FAM221B: variants seen among roughly 807,000 people sequenced by gnomAD.
The protein encoded by FAM221B is family with sequence similarity 221 member B.
A neutral mutation model predicts 39.8 loss-of-function variants in FAM221B; 35 were observed. That is an observed-to-expected ratio of 0.88 (90% CI 0.67 to 1.17). FAM221B has a LOEUF of 1.17. Ranked by LOEUF, FAM221B falls within the 50% of genes most tolerant of loss-of-function variation. The probability of loss-of-function intolerance (pLI) is 0.00; values close to 1 mark genes in which losing one functional copy is unlikely to be tolerated. For synonymous variants in FAM221B, 158 were observed against 178.1 expected (o/e 0.89, Z 0.90); for missense variants, 479 against 503.1 (o/e 0.95, Z 0.46).
chr9:35,819,181 T>C lies in FAM221B; in HGVS notation c.1051+16A>G, dbSNP rs545090690. 1 of 1,548,932 alleles carries C rather than the reference T, an allele frequency of 6.5e-7. No homozygotes were observed. The highest frequency in any genetic ancestry group is 2.4e-5 in the East Asian group (1 of 40,862). ...ACCTACCCTGCTCCCAATACACCTC[T>C]TGCCCTAGAAGTTACCATGATGCCT... On this transcript the variant is annotated intron_variant, in intron 5 of 6. Coordinates refer to ENST00000423537, the MANE Select transcript of FAM221B (RefSeq NM_001012446.4).
chr9:35,818,837 G>T, intron 6 of FAM221B, 53 bp downstream of exon 6: 1 of 1,547,612 alleles, frequency 6.5e-7, no homozygotes. Context: ...TTCCTGCCTG[G>T]CCTTCTGACT....
intron 4 of FAM221B, 56 bp from the exon 5 acceptor site, chr9:35,819,450 G>A (rs1829092984): frequency 2.0e-6 from 3 of 1,473,224 alleles, no homozygotes; most frequent in Non-Finnish European, 1.8e-6. Flanking sequence ...GCCTTCTCAT[G>A]CCAACCCCAT....
chr9:35,818,957 C>T lies in FAM221B; in HGVS notation c.1104G>A (p.Arg368=), dbSNP rs1427600915. 5 of 1,551,648 alleles carry T rather than the reference C, an allele frequency of 3.2e-6. No homozygotes were observed. Among genetic ancestry groups the T allele is most frequent in the Non-Finnish European group, 4.4e-6 (5 of 1,147,036 alleles). Reference sequence around the variant, plus strand: ...AGAAAGTCTCGTGTTCCTCCCAGCGCCGGTCACAGGCCGCACAGAGGAAAT... The same window carrying T: ...AGAAAGTCTCGTGTTCCTCCCAGCGTCGGTCACAGGCCGCACAGAGGAAAT... ...ESNFLCAACD[R]RWEEHETFFD... Residue 368 remains arginine (R), a synonymous_variant, in exon 6 of 7, where the codon CGG becomes CGA. Coordinates refer to ENST00000423537, the MANE Select transcript of FAM221B (RefSeq NM_001012446.4).
intron 3 of FAM221B, among the ~76,000 whole-genome samples, chr9:35,823,693 G>C (rs1047212854): frequency 4.6e-5 from 7 of 151,344 alleles, no homozygotes; most frequent in Non-Finnish European, 7.4e-5. Flanking sequence ...TTTTTTTTGA[G>C]ACATTCTGTC....
chr9:35,824,949 G>T (rs1213832049), intron 3 of FAM221B, among the ~76,000 whole-genome samples: 1 of 152,156 alleles, frequency 6.6e-6, no homozygotes, highest in Non-Finnish European at 1.5e-5. Flanking sequence ...CCAAAGTGCT[G>T]GGATTACAGG....
chr9:35,819,421 G>A (rs532106640), intron 4 of FAM221B, 27 bp from the exon 5 acceptor site: 2 of 1,544,584 alleles, frequency 1.3e-6, no homozygotes, highest in Admixed American at 2.0e-5. Flanking sequence ...GGATGGTAGG[G>A]TTAATCTGAT....
Position 35,819,942 on chromosome 9 carries a change from A to C in FAM221B, c.801T>G (p.Asp267Glu), listed in dbSNP as rs1829111907. 1 of 1,614,042 alleles carries C rather than the reference A, an allele frequency of 6.2e-7. No individual in the cohort carries two copies. The highest frequency in any genetic ancestry group is 1.7e-5 in the Admixed American group (1 of 60,004). ...AGTGTCCACAAAAGCATCTGGACTC[A>C]TCCCCAATCCGGAAACAGTCCCATA... is the stretch of plus-strand genomic sequence containing the variant. ...HYLWDCFRIG[D>E]ESRCFCGHLL... Residue 267 changes from aspartate to glutamate, a missense_variant, in exon 4 of 7, where the codon GAT becomes GAG. Physicochemically the swap from Asp to Glu is conservative, Grantham distance 45 (BLOSUM62 2). Transcript: ENST00000423537.
chr9:35,828,330 A>G lies in FAM221B; in HGVS notation c.-1+133T>C, dbSNP rs1414116337. On this transcript the variant is annotated intron_variant, in intron 1 of 6. Transcript: ENST00000423537. This position sits in a 1 kb window ranked among gnomAD's most constrained non-coding sequence, Gnocchi z 4.5. The stretch of plus-strand genomic sequence containing the variant: ...AACAACAACAACAACAACAACAACA[A>G]CAACTACTACTACTACTACTACTAC... 1 of 140,204 alleles carries G rather than the reference A, an allele frequency of 7.1e-6. No individual in the cohort carries two copies. The highest frequency in any genetic ancestry group is 7.6e-5 in the Admixed American group (1 of 13,198). The allele number at this position is 140,204 out of a possible 1,614,324, so 8.7% of individuals were successfully genotyped here.
chr9:35,827,757 C>A (rs981301694), intron 1 of FAM221B, among the ~76,000 whole-genome samples: 1 of 152,196 alleles, frequency 6.6e-6, no homozygotes, highest in Non-Finnish European at 1.5e-5. Context: ...TCCGTGCTCC[C>A]TACTTTACCC....
chr9:35,816,533 A>C lies in FAM221B; in HGVS notation c.*1936T>G, dbSNP rs772107681. The stretch of plus-strand genomic sequence containing the variant: ...TATGATACTAACCCATGTGTAATCA[A>C]TTTTTCATATTTTTACAGTCTACGT... On this transcript the variant is annotated 3_prime_UTR_variant, in exon 7 of 7. Coordinates refer to ENST00000423537, the MANE Select transcript of FAM221B (RefSeq NM_001012446.4). 6.6e-6 allele frequency: 1 copy of C among 151,492 alleles called. No homozygotes were observed. Among genetic ancestry groups the C allele is most frequent in the Admixed American group, 6.6e-5 (1 of 15,230 alleles). 9.4% of individuals were successfully genotyped at this position (151,492 alleles called of 1,614,324 possible). A position where few individuals can be genotyped will look rare whatever the true frequency, so the allele number is the denominator to read the frequency against.
At position 35,819,343 on chromosome 9, in the gene FAM221B, A is replaced by G. The variant is rs1207523531; in HGVS notation, c.905T>C (p.Phe302Ser). The G allele has an allele frequency of 3.2e-6, 5 of 1,551,600 alleles. No homozygotes were observed. Among genetic ancestry groups the G allele is most frequent in the Non-Finnish European group, 3.5e-6 (4 of 1,146,992 alleles). The change falls in exon 5 of 7, where the codon TTT becomes TCT. Residue 302 changes from phenylalanine to serine, a missense_variant. By Grantham distance (155) the Phe-to-Ser change is radical (BLOSUM62 -2). Coordinates refer to ENST00000423537, the MANE Select transcript of FAM221B (RefSeq NM_001012446.4). ...VSQCRCFMFC[F>S]IPSRPEEVGE... Reference sequence around the variant, plus strand: ...CACCTCCTCTGGGCGTGATGGGATAAAGCAGAACATGAAGCAGCGGCACTG... The same window carrying G: ...CACCTCCTCTGGGCGTGATGGGATAGAGCAGAACATGAAGCAGCGGCACTG...
intron 4 of FAM221B, 86 bp downstream of exon 4, chr9:35,819,804 C>T (rs1829106083): frequency 1.1e-6 from 1 of 939,204 alleles, no homozygotes; most frequent in Admixed American, 2.4e-5. Flanking sequence ...CGTGCCCAGC[C>T]ACATGCTCTC....
At chr9:35,819,048 G>A (rs1374734963) in intron 5 of FAM221B, 39 bp from the exon 6 acceptor site, 2 of 1,551,088 alleles carry the variant, frequency 1.3e-6, no homozygotes, top group South Asian at 2.4e-5. Flanking sequence ...TTAGGAAATG[G>A]TGGTATCCCC....
chr9:35,817,684 A>G lies in FAM221B; in HGVS notation c.*785T>C, dbSNP rs1442800507. The G allele has an allele frequency of 6.6e-6, 1 of 151,982 alleles. No individual in the cohort carries two copies. Among genetic ancestry groups the G allele is most frequent in the Non-Finnish European group, 1.5e-5 (1 of 68,104 alleles). 9.4% of individuals were successfully genotyped at this position (151,982 alleles called of 1,614,324 possible). The stretch of plus-strand genomic sequence containing the variant: ...TTCTTGTCTCCTGCTCCCTACTCTT[A>G]TCCCTCTTCCCCTGGACCCCAGCCA... On this transcript the variant is annotated 3_prime_UTR_variant, in exon 7 of 7. Transcript: ENST00000423537.
At chr9:35,820,425 A>G (rs1190770703) in intron 3 of FAM221B, among the ~76,000 whole-genome samples, 1 of 152,186 alleles carries the variant, frequency 6.6e-6, no homozygotes, top group Non-Finnish European at 1.5e-5. Flanking sequence ...AAGGTGAGGG[A>G]AAGGGAAGAT....
At position 35,825,573 on chromosome 9, in the gene FAM221B, G is replaced by T; in HGVS notation, c.589C>A (p.His197Asn). Residue 197 changes from histidine (H) to asparagine (N), a missense_variant, in exon 2 of 7, where the codon CAC (histidine) becomes AAC (asparagine). Physicochemically the swap from His to Asn is moderately conservative, Grantham distance 68. Transcript: ENST00000423537. The surrounding 1 kb of genome is among the most constrained non-coding windows in gnomAD (Gnocchi z 4.2). ...DSTAHTAQPG[H>N]QLGNTARPVF... ...TTCTTCTTCTTCTTGCCTAGTTGGT[G>T]TCCAGGTTGGGCTGTGTGAGCAGTG... 2 of 1,610,488 alleles carry T rather than the reference G, an allele frequency of 1.2e-6. No homozygotes were observed. Among genetic ancestry groups the T allele is most frequent in the Non-Finnish European group, 1.7e-6 (2 of 1,178,172 alleles).
At chr9:35,822,038 TA>T (rs985771675) in intron 3 of FAM221B, among the ~76,000 whole-genome samples, 14 of 152,344 alleles carry the variant, frequency 9.2e-5, no homozygotes, top group Admixed American at 8.5e-4. Context: ...TATGTCTCCA[TA>T]AAACACATGG....
At chr9:35,826,999 G>C (rs1469491352) in intron 1 of FAM221B, 2 of 152,196 alleles carry the variant, frequency 1.3e-5, no homozygotes, top group Non-Finnish European at 2.9e-5. Context: ...TAGAGACGGG[G>C]TTTCACCATG....
At chr9:35,821,721 A>G (rs555391834) in intron 3 of FAM221B, 81 of 794,424 alleles carry the variant, frequency 1.0e-4, no homozygotes, top group Admixed American at 7.0e-4. Context: ...TCCAAGCACT[A>G]GTGTAGGAAT....
Sources: gnomAD v4.1 joint callset for allele counts (sites outside exome capture counted in the v4.1 genomes callset) on GRCh38, gnomAD v4.1.1 for gene constraint, Gnocchi (gnomAD v3.1) non-coding constraint, MANE v1.5 for transcripts, NCBI Gene and HGNC (gene_info 2026-07-23, HGNC 2026-07-21) for gene names.